The following ABCA13 variants were observed in gnomAD, a reference collection of about 807,000 sequenced individuals.
ABCA13 encodes the protein ATP-binding cassette sub-family A member 13.
In ABCA13, 476 loss-of-function variants were observed where a neutral mutation model predicts 478.7. The ratio of observed to expected loss-of-function variants is 0.99; its 90% CI spans 0.92 to 1.07. The LOEUF is 1.07. ABCA13 is among the 50% of genes least tolerant of loss of function. The pLI is 0.00. For synonymous variants in ABCA13, 2,252 were observed against 2,158.9 expected (o/e 1.04, Z -1.20); for missense variants, 6,060 against 5,910.6 (o/e 1.03, Z -0.83).
intron 29 of ABCA13, among the ~76,000 whole-genome samples, chr7:48,343,681 C>T (rs193262287): frequency 1.1e-4 from 16 of 151,820 alleles, no homozygotes; most frequent in East Asian, 3.9e-4. Flanking sequence ...GAGATTTTAG[C>T]GCAGCCATCA....
rs779125203 is a variant in ABCA13 at position 48,481,115 on chromosome 7, A to C, written c.13055A>C (p.Asn4352Thr). ...ACACTGTTGAATCTCTCAGGCTTCA[A>C]TATGGAGGAGTACTTGCTGGCACCA... ...GHTLLNLSGFNMEEYLLAPSE... is the reference protein window; with the variant it reads ...GHTLLNLSGFTMEEYLLAPSE... The change falls in exon 46 of 62, where the codon AAT (asparagine) becomes ACT (threonine). Residue 4352 changes from asparagine (N) to threonine (T), a missense_variant. By Grantham distance (65) the Asn-to-Thr change is moderately conservative. Coordinates refer to ENST00000435803, the MANE Select transcript of ABCA13 (RefSeq NM_152701.5). 6.3e-7 allele frequency: 1 copy of C among 1,598,104 alleles called. No homozygotes were observed. The highest frequency in any genetic ancestry group is 8.5e-7 in the Non-Finnish European group (1 of 1,171,842).
At chr7:48,582,343 A>G (rs1251363406) in intron 56 of ABCA13, among the ~76,000 whole-genome samples, 2 of 152,188 alleles carry the variant, frequency 1.3e-5, no homozygotes, top group Non-Finnish European at 2.9e-5. Context: ...TGGGATGGCC[A>G]AAGAAGTGGA....
intron 41 of ABCA13, among the ~76,000 whole-genome samples, chr7:48,423,195 C>G (rs950770488): frequency 2.0e-5 from 3 of 152,198 alleles, no homozygotes; most frequent in African/African-American, 7.2e-5. Context: ...TTGCTAGTAC[C>G]TCTAGTGTTT....
intron 34 of ABCA13, among the ~76,000 whole-genome samples, chr7:48,376,102 A>T (rs1228029727): frequency 6.6e-6 from 1 of 152,144 alleles, no homozygotes; most frequent in African/African-American, 2.4e-5. Flanking sequence ...TCTCAAGGAG[A>T]CTTTAAAAAA....
chr7:48,277,514 C>A (rs76149359), intron 17 of ABCA13, among the ~76,000 whole-genome samples: 1 of 152,256 alleles, frequency 6.6e-6, no homozygotes, highest in East Asian at 1.9e-4. Context: ...GGTTAGTGTT[C>A]GATTGAATAG....
Position 48,643,290 on chromosome 7 carries a change from T to G in ABCA13, c.14840T>G (p.Phe4947Cys). The G allele has an allele frequency of 6.3e-7, 1 of 1,592,748 alleles. No homozygotes were observed. The highest frequency in any genetic ancestry group is 1.2e-5 in the South Asian group (1 of 86,904). ...TTTCTATTTTATTTAACTCTCAGGTTTGGTGATGGTTATACAGTCAAAGTT... is the reference window on the plus strand; with the variant it reads ...TTTCTATTTTATTTAACTCTCAGGTGTGGTGATGGTTATACAGTCAAAGTT... Reference protein sequence around the residue: ...LGSPQHIKNRFGDGYTVKVWL... With the variant: ...LGSPQHIKNRCGDGYTVKVWL... The change falls in exon 60 of 62, where the codon TTT (phenylalanine) becomes TGT (cysteine). Residue 4947 changes from phenylalanine (F) to cysteine (C), a missense_variant and splice_region_variant. Physicochemically the swap from Phe to Cys is radical, Grantham distance 205. Around this residue, in one of 3 missense-constraint regions of ABCA13, gnomAD observed 1,627 missense variants for 1,571.0 expected, o/e 1.04. Transcript: ENST00000435803.
intron 55 of ABCA13, among the ~76,000 whole-genome samples, chr7:48,528,833 T>C (rs775110409): frequency 6.6e-6 from 1 of 152,090 alleles, no homozygotes; most frequent in Non-Finnish European, 1.5e-5. Flanking sequence ...GAAAGCGGCC[T>C]CTAGGGGAGT....
intron 11 of ABCA13, 129 bp downstream of exon 11, chr7:48,244,832 A>T: frequency 1.7e-6 from 2 of 1,161,514 alleles, no homozygotes; most frequent in East Asian, 4.8e-5. Flanking sequence ...TCATATGCAT[A>T]TTTATGCTTT....
chr7:48,425,757 T>TTTATTTATTTATTTATTTATTTA (rs1215137536), intron 41 of ABCA13, among the ~76,000 whole-genome samples: 4 of 112,590 alleles, frequency 3.6e-5, no homozygotes, highest in African/African-American at 1.5e-4. Flanking sequence ...TTATTTATTT[T>TTTATTTATTTATTTATTTATTTA]TTCGAGATGG....
intron 29 of ABCA13, among the ~76,000 whole-genome samples, chr7:48,345,986 A>T (rs185386053): frequency 6.6e-6 from 1 of 152,216 alleles, no homozygotes; most frequent in Non-Finnish European, 1.5e-5. Context: ...AATCCTTACC[A>T]TCGTGTTACA....
At chr7:48,294,435 T>TGTCTG (rs1183577810) in intron 20 of ABCA13, among the ~76,000 whole-genome samples, 1 of 94,268 alleles carries the variant, frequency 1.1e-5, no homozygotes, top group Admixed American at 1.2e-4. Flanking sequence ...GTTTTTTTTT[T>TGTCTG]TTTTTTGTTT....
chr7:48,264,837 G>C (rs1794665776), intron 15 of ABCA13, among the ~76,000 whole-genome samples: 1 of 151,454 alleles, frequency 6.6e-6, no homozygotes. Flanking sequence ...TGGTGTTGTA[G>C]CTAAGAAACC....
chr7:48,487,317 AAC>A (rs1554536232), intron 47 of ABCA13, among the ~76,000 whole-genome samples: 3 of 105,258 alleles, frequency 2.9e-5, no homozygotes, highest in African/African-American at 6.6e-5. Flanking sequence ...TCAAAAAAAA[AAC>A]AAAACAAAAC....
chr7:48,360,768 A>G (rs1228155758), intron 31 of ABCA13, among the ~76,000 whole-genome samples: 2 of 151,966 alleles, frequency 1.3e-5, no homozygotes, highest in African/African-American at 4.8e-5. Flanking sequence ...TCATTTGGGA[A>G]CTATTTACGC....
intron 57 of ABCA13, 73 bp downstream of exon 57, chr7:48,587,361 T>C (rs1228168259): frequency 6.9e-7 from 1 of 1,443,720 alleles, no homozygotes. Context: ...ATTTTAAGGG[T>C]TTTTCTGGGA....
At chr7:48,337,198 A>G (rs576813581) in intron 28 of ABCA13, among the ~76,000 whole-genome samples, 2 of 152,320 alleles carry the variant, frequency 1.3e-5, no homozygotes, top group East Asian at 1.9e-4. Context: ...TGTATGTTGC[A>G]GGCCTGGTTC....
intron 3 of ABCA13, among the ~76,000 whole-genome samples, chr7:48,198,999 A>G (rs1258335545): frequency 2.0e-5 from 3 of 152,184 alleles, no homozygotes; most frequent in Non-Finnish European, 4.4e-5. Flanking sequence ...AATGCCCTGG[A>G]AACTTCTCCC....
intron 57 of ABCA13, among the ~76,000 whole-genome samples, chr7:48,590,147 T>C (rs1446300779): frequency 1.3e-5 from 2 of 152,112 alleles, no homozygotes; most frequent in African/African-American, 2.4e-5. Flanking sequence ...AATATTTCAC[T>C]AAGAAGTAGT....
In ABCA13 at chr7:48,471,523, T is replaced by A; in HGVS notation, c.12906-7T>A. The A allele has an allele frequency of 6.4e-7, 1 of 1,553,472 alleles. No homozygotes were observed. The highest frequency in any genetic ancestry group is 8.7e-7 in the Non-Finnish European group (1 of 1,146,900). The stretch of plus-strand genomic sequence containing the variant: ...AGATCATTCCAATTCTCTCCTTTGT[T>A]TTTTAGGAAGAATTCTTCATGCTGG... On this transcript the variant is annotated splice_region_variant and splice_polypyrimidine_tract_variant and intron_variant, in intron 44 of 61. Transcript: ENST00000435803.
Sources: gnomAD v4.1 joint callset for allele counts (sites outside exome capture counted in the v4.1 genomes callset) on GRCh38, gnomAD v4.1.1 for gene constraint, gnomAD v4.1.1 regional missense constraint, MANE v1.5 for transcripts, NCBI Gene and HGNC (gene_info 2026-07-23, HGNC 2026-07-21) for gene names.